The following PCDHGA1 variants were observed in gnomAD, a reference collection of about 807,000 sequenced individuals.
PCDHGA1 encodes protocadherin gamma-A1.
PCDHGA1 carries 32 observed loss-of-function variants against 58.0 expected under a neutral mutation model. The observed-to-expected ratio is 0.55, with a 90% CI of 0.42 to 0.74. The LOEUF (loss-of-function observed/expected upper bound fraction) is 0.74. PCDHGA1 is among the 30% of genes least tolerant of loss of function. The pLI is 0.00. For missense variants in PCDHGA1, 1,205 were observed against 1,182.3 expected, an observed-to-expected ratio of 1.02 and a Z score of -0.28; for synonymous variants, 498 against 501.1, an observed-to-expected ratio of 0.99 and a Z score of 0.08.
Position 141,361,518 on chromosome 5 carries a change from G to A in PCDHGA1, c.2421+28413G>A, listed in dbSNP as rs537842997. Reference sequence around the variant, plus strand: ...AACAGACTTCCTACATGGTTCACGTGGCAGAGAACAATCCTCCTGGCGCCT... The same window carrying A: ...AACAGACTTCCTACATGGTTCACGTAGCAGAGAACAATCCTCCTGGCGCCT... On this transcript the variant is annotated intron_variant, in intron 1 of 3. Transcript: ENST00000517417. 26 of 1,614,022 alleles carry A rather than the reference G, an allele frequency of 1.6e-5. No homozygotes were observed. The South Asian group carries it at 2.6e-4, about 16-fold the overall frequency.
In PCDHGA1 at chr5:141,366,453, T is replaced by C. The variant is rs1477570113; in HGVS notation, c.2421+33348T>C. On this transcript the variant is annotated intron_variant, in intron 1 of 3. Coordinates refer to ENST00000517417, the MANE Select transcript of PCDHGA1 (RefSeq NM_018912.3). Reference sequence around the variant, plus strand: ...GTCTCCTGCGTCTTCCTGGCCTTCGTCATCGTGCTGCTGGTGCTCAGACTG... The same window carrying C: ...GTCTCCTGCGTCTTCCTGGCCTTCGCCATCGTGCTGCTGGTGCTCAGACTG... 7 of 1,614,220 alleles carry C rather than the reference T, an allele frequency of 4.3e-6. No individual in the cohort carries two copies. The Admixed American group carries it at 1.0e-4, about 23-fold the overall frequency.
intron 1 of PCDHGA1, among the ~76,000 whole-genome samples, chr5:141,429,527 T>TA (rs1321273157): frequency 1.3e-5 from 2 of 152,038 alleles, no homozygotes; most frequent in African/African-American, 4.8e-5. Flanking sequence ...GAAAAAAGCT[T>TA]AAAAAAATAA....
chr5:141,477,835 T>G lies in PCDHGA1; in HGVS notation c.2422-16972T>G. ...CCCAGGTCCTATATCCTCGGCCAGG[T>G]GGGAGCTCGGTGGAGATGCTGCCTC... On this transcript the variant is annotated intron_variant, in intron 1 of 3. Coordinates refer to ENST00000517417, the MANE Select transcript of PCDHGA1 (RefSeq NM_018912.3). This position sits in a 1 kb window ranked among gnomAD's most constrained non-coding sequence, Gnocchi z 4.9. The G allele has an allele frequency of 6.2e-7, 1 of 1,614,090 alleles. No individual in the cohort carries two copies. Among genetic ancestry groups the G allele is most frequent in the South Asian group, 1.1e-5 (1 of 91,072 alleles).
chr5:141,511,419 G>A lies in PCDHGA1; in HGVS notation c.*246G>A, dbSNP rs1437533706. On this transcript the variant is annotated 3_prime_UTR_variant, in exon 4 of 4. Coordinates refer to ENST00000517417, the MANE Select transcript of PCDHGA1 (RefSeq NM_018912.3). Reference sequence around the variant, plus strand: ...ATCCAATCAACTGCTGTACCCATGGGGGTAGTGGGGTTACTGTAGACACCA... The same window carrying A: ...ATCCAATCAACTGCTGTACCCATGGAGGTAGTGGGGTTACTGTAGACACCA... 1.2e-6 allele frequency: 1 copy of A among 830,454 alleles called. No individual in the cohort carries two copies. The highest frequency in any genetic ancestry group is 1.7e-5 in the African/African-American group (1 of 58,076). 51.4% of individuals were successfully genotyped at this position (830,454 alleles called of 1,614,324 possible).
At chr5:141,339,896 T>A (rs150760276) in intron 1 of PCDHGA1, 2 of 1,613,986 alleles carry the variant, frequency 1.2e-6, no homozygotes, top group African/African-American at 2.7e-5. Context: ...AGATCTAGAT[T>A]ATGAGGATGC....
chr5:141,400,858 G>A (rs1332975731), intron 1 of PCDHGA1, among the ~76,000 whole-genome samples: 1 of 152,108 alleles, frequency 6.6e-6, no homozygotes, highest in Non-Finnish European at 1.5e-5. Context: ...TTTATTGTAT[G>A]TAGATAAACC....
intron 1 of PCDHGA1, chr5:141,366,551 G>A (rs372327694): frequency 1.2e-6 from 2 of 1,614,148 alleles, no homozygotes; most frequent in African/African-American, 2.7e-5. Context: ...CTCGCACTTT[G>A]TGGGCGTGGA....
At chr5:141,366,319 C>T (rs1486100441) in intron 1 of PCDHGA1, 10 of 1,613,662 alleles carry the variant, frequency 6.2e-6, no homozygotes, top group African/African-American at 1.3e-5. Context: ...TCACCGTTGC[C>T]GTGGCCGACA....
Position 141,432,587 on chromosome 5 carries a change from A to C in PCDHGA1, c.2422-62220A>C. ...CGCCTGGCTGTCCTACCGTCTGCTC[A>C]AGGCCAGCGAGCCGGGACTCTTCTC... On this transcript the variant is annotated intron_variant, in intron 1 of 3. Transcript: ENST00000517417. This position sits in a 1 kb window ranked among gnomAD's most constrained non-coding sequence, Gnocchi z 6.0. 1.9e-6 allele frequency: 3 copies of C among 1,613,250 alleles called. No individual in the cohort carries two copies. Among genetic ancestry groups the C allele is most frequent in the Non-Finnish European group, 2.5e-6 (3 of 1,179,918 alleles).
intron 1 of PCDHGA1, chr5:141,365,192 A>C: frequency 6.2e-7 from 1 of 1,613,930 alleles, no homozygotes; most frequent in South Asian, 1.1e-5. Context: ...AGAAGAAAAA[A>C]TTTCGGAGAC....
At position 141,491,299 on chromosome 5, in the gene PCDHGA1, C is replaced by T. The variant is rs777271881; in HGVS notation, c.2422-3508C>T. ...TGACTTCCTCATACACCCTCCTGAG[C>T]GTTCAGACCTTACCCTTTACCTCAT... On this transcript the variant is annotated intron_variant, in intron 1 of 3. Transcript: ENST00000517417. This position sits in a 1 kb window ranked among gnomAD's most constrained non-coding sequence, Gnocchi z 6.9. 3.7e-6 allele frequency: 6 copies of T among 1,614,068 alleles called. No individual in the cohort carries two copies. Among genetic ancestry groups the T allele is most frequent in the Non-Finnish European group, 5.1e-6 (6 of 1,179,896 alleles).
rs752155536 is a variant in PCDHGA1, at chr5:141,477,181, C to T, written c.2422-17626C>T. The T allele has an allele frequency of 2.5e-6, 4 of 1,614,182 alleles. No individual in the cohort carries two copies. In the Admixed American group the frequency reaches 6.7e-5, roughly 27 times the overall value. ...ACAACGCCCCGGAGATCACAGTCACCTCCGTGTACAGCCCAGTACCCGAGG... is the reference window on the plus strand; with the variant it reads ...ACAACGCCCCGGAGATCACAGTCACTTCCGTGTACAGCCCAGTACCCGAGG... On this transcript the variant is annotated intron_variant, in intron 1 of 3. Transcript: ENST00000517417. This position sits in a 1 kb window ranked among gnomAD's most constrained non-coding sequence, Gnocchi z 4.9.
intron 1 of PCDHGA1, chr5:141,390,022 T>A (rs1206102918): frequency 2.5e-6 from 4 of 1,613,928 alleles, no homozygotes; most frequent in Non-Finnish European, 3.4e-6. Context: ...GCCTTGCGCC[T>A]GCGACGCTCC....
intron 1 of PCDHGA1, chr5:141,371,091 G>A (rs1414973980): frequency 8.7e-6 from 14 of 1,613,670 alleles, no homozygotes; most frequent in Non-Finnish European, 1.1e-5. Context: ...GGTAATTGTC[G>A]CAGATGCAAA....
rs1022106778 is a variant in PCDHGA1, at chr5:141,384,657, C to A, written c.2421+51552C>A. ...CACCCCGCTCCGCAGAGCCCGGCTACCTGGTGACCAAGGTGGTGGCGGTGG... is the reference window on the plus strand; with the variant it reads ...CACCCCGCTCCGCAGAGCCCGGCTAACTGGTGACCAAGGTGGTGGCGGTGG... On this transcript the variant is annotated intron_variant, in intron 1 of 3. Transcript: ENST00000517417. 23 of 1,614,124 alleles carry A rather than the reference C, an allele frequency of 1.4e-5. No homozygotes were observed. The African/African-American group carries it at 2.0e-4, about 14-fold the overall frequency.
At chr5:141,403,565 G>A in intron 1 of PCDHGA1, 8 of 1,613,952 alleles carry the variant, frequency 5.0e-6, no homozygotes, top group Non-Finnish European at 6.8e-6. Context: ...CAGGGAGGAG[G>A]CAACTGCCCA....
At chr5:141,494,190 G>GAGAA (rs2099752701) in intron 1 of PCDHGA1, among the ~76,000 whole-genome samples, 1 of 152,186 alleles carries the variant, frequency 6.6e-6, no homozygotes, top group Non-Finnish European at 1.5e-5. Flanking sequence ...CCCGGGACTT[G>GAGAA]GATGCCCCGC....
intron 1 of PCDHGA1, among the ~76,000 whole-genome samples, chr5:141,380,760 A>C (rs1264111789): frequency 6.6e-6 from 1 of 152,232 alleles, no homozygotes; most frequent in Non-Finnish European, 1.5e-5. Context: ...AGACACTATA[A>C]ATTAATTGAG....
intron 1 of PCDHGA1, chr5:141,423,243 C>G (rs2096724455): frequency 6.2e-7 from 1 of 1,613,842 alleles, no homozygotes. Flanking sequence ...TCCCCGAAGT[C>G]CTGGCGGACC....
Sources: gnomAD v4.1 joint callset for allele counts (sites outside exome capture counted in the v4.1 genomes callset) on GRCh38, gnomAD v4.1.1 for gene constraint, Gnocchi (gnomAD v3.1) non-coding constraint, MANE v1.5 for transcripts, NCBI Gene and HGNC (gene_info 2026-07-23, HGNC 2026-07-21) for gene names.